IKZF2: variants seen among roughly 807,000 people sequenced by gnomAD.
IKZF2 encodes zinc finger protein Helios.
A neutral mutation model predicts 49.2 loss-of-function variants in IKZF2; 15 were observed. The observed-to-expected ratio is 0.30, with a 90% CI of 0.20 to 0.47. The LOEUF is 0.47. Ranked by LOEUF, IKZF2 falls within the 20% of genes least tolerant of loss-of-function variation. The probability of loss-of-function intolerance (pLI) is 1.00; values close to 1 mark genes in which losing one functional copy is unlikely to be tolerated. For missense variants in IKZF2, 567 were observed against 664.6 expected, an observed-to-expected ratio of 0.85 and a Z score of 1.61; for synonymous variants, 227 against 221.4, an observed-to-expected ratio of 1.03 and a Z score of -0.23.
chr2:213,023,610 A>G (rs984350927), intron 6 of IKZF2, among the ~76,000 whole-genome samples: 1 of 152,186 alleles, frequency 6.6e-6, no homozygotes, highest in Non-Finnish European at 1.5e-5. Context: ...CTATAAATAA[A>G]TTTACATGTA....
chr2:213,132,497 G>T (rs2060506897), intron 4 of IKZF2, among the ~76,000 whole-genome samples: 1 of 152,072 alleles, frequency 6.6e-6, no homozygotes, highest in Admixed American at 6.5e-5. Flanking sequence ...ACACAAGAGA[G>T]AAAAAAAGAA....
chr2:213,057,374 C>G (rs544084418), intron 4 of IKZF2, among the ~76,000 whole-genome samples: 3 of 152,100 alleles, frequency 2.0e-5, no homozygotes, highest in African/African-American at 4.8e-5. Flanking sequence ...GCTTTTTAAA[C>G]AAGTTTTTTT....
intron 4 of IKZF2, among the ~76,000 whole-genome samples, chr2:213,099,339 G>A (rs1038214003): frequency 6.6e-6 from 1 of 152,136 alleles, no homozygotes; most frequent in Non-Finnish European, 1.5e-5. Flanking sequence ...GAAGAGTAGA[G>A]AGATGCCATT....
At chr2:213,057,156 C>T in intron 4 of IKZF2, 57 bp from the exon 5 acceptor site, 1 of 1,434,314 alleles carries the variant, frequency 7.0e-7, no homozygotes, top group Non-Finnish European at 9.5e-7. Context: ...TTCTCACCTA[C>T]ATCTCTTTTC....
intron 4 of IKZF2, among the ~76,000 whole-genome samples, chr2:213,108,916 C>T (rs750013695): frequency 1.4e-4 from 22 of 151,984 alleles, no homozygotes; most frequent in Non-Finnish European, 2.9e-4. Flanking sequence ...CATCTTTCCT[C>T]TATGAAATAT....
chr2:213,060,067 A>G (rs956551530), intron 4 of IKZF2, among the ~76,000 whole-genome samples: 76 of 151,496 alleles, frequency 5.0e-4, no homozygotes, highest in African/African-American at 1.8e-3. Context: ...TACATGATGC[A>G]TATATACAAA....
chr2:213,116,718 G>A (rs1397447073), intron 4 of IKZF2, among the ~76,000 whole-genome samples: 1 of 152,166 alleles, frequency 6.6e-6, no homozygotes, highest in Non-Finnish European at 1.5e-5. Context: ...AAGCCTGGGT[G>A]ACAGAGTGAG....
intron 6 of IKZF2, among the ~76,000 whole-genome samples, chr2:213,038,488 G>A (rs1327669733): frequency 6.6e-6 from 1 of 151,874 alleles, no homozygotes; most frequent in Non-Finnish European, 1.5e-5. Flanking sequence ...ATATCCAAAG[G>A]TGTATAACTT....
chr2:213,148,125 C>T (rs2125991051), intron 3 of IKZF2, among the ~76,000 whole-genome samples: 1 of 152,182 alleles, frequency 6.6e-6, no homozygotes, highest in South Asian at 2.1e-4. Flanking sequence ...TTGTTAAGCA[C>T]ACAGAATTTA....
At chr2:213,064,845 T>C (rs1407046793) in intron 4 of IKZF2, among the ~76,000 whole-genome samples, 1 of 151,988 alleles carries the variant, frequency 6.6e-6, no homozygotes, top group East Asian at 1.9e-4. Context: ...TCCTTCAAAC[T>C]TTTGCCACAC....
intron 6 of IKZF2, among the ~76,000 whole-genome samples, chr2:213,042,204 G>A (rs1022337015): frequency 1.9e-5 from 2 of 106,390 alleles, no homozygotes; most frequent in African/African-American, 7.4e-5. Context: ...CATACGAGCT[G>A]TGTCATTTAT....
intron 4 of IKZF2, among the ~76,000 whole-genome samples, chr2:213,120,827 A>T (rs894971693): frequency 6.6e-6 from 1 of 152,042 alleles, no homozygotes; most frequent in South Asian, 2.1e-4. Flanking sequence ...TGCAGCCTCA[A>T]CCTCCTGGGT....
At chr2:213,116,096 A>C (rs2059861408) in intron 4 of IKZF2, among the ~76,000 whole-genome samples, 1 of 152,212 alleles carries the variant, frequency 6.6e-6, no homozygotes, top group Non-Finnish European at 1.5e-5. Context: ...CTATTTTTAG[A>C]AAAACAAAAA....
chr2:213,146,761 G>GC lies in IKZF2; in HGVS notation c.139+946_139+947insG, dbSNP rs966351708. 2.1e-4 allele frequency among the ~76,000 whole-genome samples: 29 copies of GC among 135,432 alleles called. 3 individuals are homozygous for GC. In the East Asian group the frequency reaches 2.7e-3, roughly 13 times the overall value. 88.8% of individuals were successfully genotyped at this position (135,432 alleles called of 152,430 possible). The stretch of plus-strand genomic sequence containing the variant: ...ACTTTTCTTAGTTATTAAATCTTCG[G>GC]GGGGGGGGAAGGAAAGAGAATGCCT... On this transcript the variant is annotated intron_variant, in intron 4 of 8. Coordinates refer to ENST00000434687, the MANE Select transcript of IKZF2 (RefSeq NM_001387220.1).
chr2:213,035,892 T>C (rs1265923715), intron 6 of IKZF2, among the ~76,000 whole-genome samples: 1 of 152,138 alleles, frequency 6.6e-6, no homozygotes, highest in East Asian at 1.9e-4. Flanking sequence ...AGCAGGAGTA[T>C]AGTGGCTGAG....
chr2:213,007,288 G>A lies in IKZF2; in HGVS notation c.*72C>T. On this transcript the variant is annotated 3_prime_UTR_variant, in exon 9 of 9. Coordinates refer to ENST00000434687, the MANE Select transcript of IKZF2 (RefSeq NM_001387220.1). ...GGTATGTCAACATTTGAGGAAAGGT[G>A]GGATTGTAAGTGCAGTATTTCTTCA... 1 of 1,450,140 alleles carries A rather than the reference G, an allele frequency of 6.9e-7. No individual in the cohort carries two copies. The allele number at this position is 1,450,140 out of a possible 1,614,324, so 89.8% of individuals were successfully genotyped here.
At chr2:213,032,359 C>A (rs1337228606) in intron 6 of IKZF2, among the ~76,000 whole-genome samples, 1 of 152,050 alleles carries the variant, frequency 6.6e-6, no homozygotes. Context: ...TTATATCATA[C>A]CATAATCTAT....
chr2:213,137,528 C>A (rs2060720141), intron 4 of IKZF2, among the ~76,000 whole-genome samples: 1 of 151,918 alleles, frequency 6.6e-6, no homozygotes, highest in Admixed American at 6.6e-5. Flanking sequence ...TAGAAATAGA[C>A]CTTTTACAAT....
chr2:213,109,598 T>A (rs1488379500), intron 4 of IKZF2, among the ~76,000 whole-genome samples: 3 of 152,008 alleles, frequency 2.0e-5, no homozygotes, highest in African/African-American at 7.2e-5. Context: ...TGAATCCCAT[T>A]TCCAAACAGA....
Sources: gnomAD v4.1 joint callset for allele counts (sites outside exome capture counted in the v4.1 genomes callset) on GRCh38, gnomAD v4.1.1 for gene constraint, MANE v1.5 for transcripts, NCBI Gene and HGNC (gene_info 2026-07-23, HGNC 2026-07-21) for gene names.